TOPAZ1: variants seen among roughly 807,000 people sequenced by gnomAD.
TOPAZ1 encodes the protein protein TOPAZ1.
In TOPAZ1, 66 loss-of-function variants were observed where a neutral mutation model predicts 172.2. That is an observed-to-expected ratio of 0.38 (90% CI 0.31 to 0.47). The LOEUF is 0.47. Ranked by LOEUF, TOPAZ1 falls within the 20% of genes least tolerant of loss-of-function variation. The pLI, the probability that TOPAZ1 is intolerant of heterozygous loss-of-function variation, is 0.99. For missense variants in TOPAZ1, 1,822 were observed against 1,972.4 expected (o/e 0.92, Z 1.44); for synonymous variants, 681 against 683.9 (o/e 1.00, Z 0.07).
Position 44,281,979 on chromosome 3 carries a change from T to C in TOPAZ1, c.3384T>C (p.Asp1128=). The C allele has an allele frequency of 6.5e-7, 1 of 1,546,660 alleles. No homozygotes were observed. Among genetic ancestry groups the C allele is most frequent in the Non-Finnish European group, 8.7e-7 (1 of 1,144,270 alleles). The change falls in exon 9 of 20, where the codon GAT becomes GAC. Residue 1128 remains aspartate (D), a synonymous_variant. Coordinates refer to ENST00000309765, the MANE Select transcript of TOPAZ1 (RefSeq NM_001145030.2). ...CGTGACTTTTGCAGGTTTGCATGGA[T>C]GTGTTTAAGAAATATATAAATATCA... ...PEQGDEKVCM[D]VFKKYININE... is the part of the protein sequence containing the mutation.
rs184683180 is a variant in TOPAZ1, at chr3:44,268,892, G to C, written c.3161-324G>C. On this transcript the variant is annotated intron_variant, in intron 6 of 19. Transcript: ENST00000309765. Reference sequence around the variant, plus strand: ...TTTTCTTCCCTTAGAAATGTTTATTGTGTATAATATTTGTCTATTTAACTT... The same window carrying C: ...TTTTCTTCCCTTAGAAATGTTTATTCTGTATAATATTTGTCTATTTAACTT... 2.6e-3 allele frequency among the ~76,000 whole-genome samples: 391 copies of C among 152,246 alleles called. 4 individuals are homozygous for C. The highest frequency in any genetic ancestry group is 9.1e-3 in the African/African-American group (378 of 41,556).
chr3:44,286,262 A>G (rs187904637), intron 9 of TOPAZ1, among the ~76,000 whole-genome samples: 4 of 152,286 alleles, frequency 2.6e-5, no homozygotes, highest in African/African-American at 7.2e-5. Flanking sequence ...TTTCATGTCA[A>G]TTAGTGGACT....
chr3:44,266,264 A>G (rs770107273), intron 5 of TOPAZ1, among the ~76,000 whole-genome samples: 3 of 152,226 alleles, frequency 2.0e-5, no homozygotes, highest in Non-Finnish European at 4.4e-5. Flanking sequence ...TAGATCACTC[A>G]AACTTTTTCC....
At chr3:44,298,910 T>TATATATATATATA (rs1491140048) in intron 12 of TOPAZ1, among the ~76,000 whole-genome samples, 20 of 16,212 alleles carry the variant, frequency 1.2e-3, no homozygotes, top group African/African-American at 2.6e-3. Flanking sequence ...TATATATATA[T>TATATATATATATA]TTTTTTTTTT....
intron 8 of TOPAZ1, among the ~76,000 whole-genome samples, chr3:44,272,861 C>T (rs763195973): frequency 5.3e-5 from 8 of 152,132 alleles, no homozygotes; most frequent in Non-Finnish European, 8.8e-5. Flanking sequence ...ACGCAGCCTC[C>T]GTTGCCCATT....
At chr3:44,247,452 G>C (rs1346205490) in intron 2 of TOPAZ1, among the ~76,000 whole-genome samples, 1 of 152,132 alleles carries the variant, frequency 6.6e-6, no homozygotes. Flanking sequence ...TAATATGAAA[G>C]ATGAACATAT....
In TOPAZ1 at chr3:44,244,543, G is replaced by C. The variant is rs1365016530; in HGVS notation, c.2037G>C (p.Leu679Phe). ...TFIVPDLVKI[L>F]NTGRLTNFKI... ...TAGTTCCAGACTTGGTTAAAATATT[G>C]AACACAGGACGGCTGACTAATTTTA... is the stretch of plus-strand genomic sequence containing the variant. The change falls in exon 2 of 20, where the codon TTG becomes TTC. Residue 679 changes from leucine to phenylalanine, a missense_variant. Coordinates refer to ENST00000309765, the MANE Select transcript of TOPAZ1 (RefSeq NM_001145030.2). The C allele has an allele frequency of 6.4e-7, 1 of 1,550,692 alleles. No homozygotes were observed. Among genetic ancestry groups the C allele is most frequent in the Admixed American group, 2.0e-5 (1 of 50,868 alleles).
intron 12 of TOPAZ1, among the ~76,000 whole-genome samples, chr3:44,303,460 C>G (rs1700298068): frequency 1.4e-5 from 2 of 140,370 alleles, no homozygotes; most frequent in Non-Finnish European, 3.0e-5. Context: ...TGGTTCTGAT[C>G]TACCCAGATG....
intron 2 of TOPAZ1, among the ~76,000 whole-genome samples, chr3:44,253,205 A>G (rs1454881917): frequency 6.6e-6 from 1 of 152,234 alleles, no homozygotes; most frequent in Admixed American, 6.5e-5. Context: ...TGCCAGGACA[A>G]CAGGCGTAAG....
chr3:44,281,393 A>T (rs1203769458), intron 8 of TOPAZ1, among the ~76,000 whole-genome samples: 1 of 152,124 alleles, frequency 6.6e-6, no homozygotes, highest in Non-Finnish European at 1.5e-5. Flanking sequence ...GAGAAATAGA[A>T]TTTCTTCATT....
Position 44,256,214 on chromosome 3 carries a change from C to A in TOPAZ1, c.2891C>A (p.Thr964Asn), listed in dbSNP as rs1446362249. The part of the protein sequence containing the change: ...NTSLGEVANE[T>N]SENETLGDFS... Reference sequence around the variant, plus strand: ...TCCTTAGGAGAAGTTGCTAATGAGACCTCTGAAAATGAAACACTGGGAGAC... The same window carrying A: ...TCCTTAGGAGAAGTTGCTAATGAGAACTCTGAAAATGAAACACTGGGAGAC... The change falls in exon 4 of 20, where the codon ACC (threonine) becomes AAC (asparagine). Residue 964 changes from threonine to asparagine, a missense_variant. By Grantham distance (65) the Thr-to-Asn change is moderately conservative (BLOSUM62 0). Transcript: ENST00000309765. 2 of 1,535,126 alleles carry A rather than the reference C, an allele frequency of 1.3e-6. No individual in the cohort carries two copies. Among genetic ancestry groups the A allele is most frequent in the Middle Eastern group, 1.7e-4 (1 of 5,984 alleles).
At chr3:44,333,481 T>C (rs1446649524), downstream of TOPAZ1, among the ~76,000 whole-genome samples, 1 of 152,140 alleles carries the variant, frequency 6.6e-6, no homozygotes, top group Non-Finnish European at 1.5e-5. Flanking sequence ...TTTCTACAAA[T>C]GATAACTGAA....
chr3:44,293,096 T>C (rs1700156151), intron 12 of TOPAZ1, among the ~76,000 whole-genome samples: 1 of 152,190 alleles, frequency 6.6e-6, no homozygotes, highest in Admixed American at 6.5e-5. Flanking sequence ...ACATCTTAGC[T>C]GTTATAATGT....
chr3:44,251,926 A>C (rs900885786), intron 2 of TOPAZ1, among the ~76,000 whole-genome samples: 6 of 152,152 alleles, frequency 3.9e-5, no homozygotes, highest in African/African-American at 1.4e-4. Context: ...AAAACTGTAA[A>C]ATATTTGTAT....
chr3:44,335,185 G>A (rs1700710274), downstream of TOPAZ1, among the ~76,000 whole-genome samples: 1 of 152,170 alleles, frequency 6.6e-6, no homozygotes, highest in Non-Finnish European at 1.5e-5. Flanking sequence ...GCTTGAAAAG[G>A]ATTTAAATAA....
chr3:44,256,412 A>G (rs1699704123), intron 4 of TOPAZ1, 134 bp downstream of exon 4: 6 of 795,888 alleles, frequency 7.5e-6, no homozygotes, highest in South Asian at 4.4e-5. Flanking sequence ...CACTCTAGCC[A>G]TGGGATGTAT....
chr3:44,286,070 C>G (rs1262545127), intron 9 of TOPAZ1, among the ~76,000 whole-genome samples: 2 of 151,806 alleles, frequency 1.3e-5, no homozygotes, highest in Non-Finnish European at 2.9e-5. Context: ...AAAAACCTAA[C>G]CAGGTTTGGT....
chr3:44,333,592 T>C (rs1001077089), downstream of TOPAZ1, among the ~76,000 whole-genome samples: 5 of 151,878 alleles, frequency 3.3e-5, no homozygotes, highest in East Asian at 9.7e-4. Flanking sequence ...TAAATTAAGG[T>C]TTTAGGAAAA....
intron 16 of TOPAZ1, among the ~76,000 whole-genome samples, chr3:44,315,374 T>C (rs969544024): frequency 6.6e-6 from 1 of 151,326 alleles, no homozygotes; most frequent in African/African-American, 2.4e-5. Context: ...TTCTTTCTCT[T>C]TTTTTTTTCT....
Sources: gnomAD v4.1 joint callset for allele counts (sites outside exome capture counted in the v4.1 genomes callset) on GRCh38, gnomAD v4.1.1 for gene constraint, MANE v1.5 for transcripts, NCBI Gene and HGNC (gene_info 2026-07-23, HGNC 2026-07-21) for gene names.